Variants in BRIP1 observed in about 807,000 individuals in gnomAD.
The protein encoded by BRIP1 is Fanconi anemia group J protein.
BRIP1 carries 88 observed loss-of-function variants against 119.7 expected under a neutral mutation model. The ratio of observed to expected loss-of-function variants is 0.74; its 90% confidence interval spans 0.62 to 0.88. The LOEUF (loss-of-function observed/expected upper bound fraction) is 0.88. Ranked by LOEUF, BRIP1 falls within the 40% of genes least tolerant of loss-of-function variation. The pLI, the probability that BRIP1 is intolerant of heterozygous loss-of-function variation, is 0.00. For synonymous variants in BRIP1, 443 were observed against 496.5 expected (o/e 0.89, Z 1.43); for missense variants, 1,259 against 1,455.4 (o/e 0.87, Z 2.20).
Position 61,793,822 on chromosome 17 carries a change from G to T in BRIP1, c.1341-93C>A. On this transcript the variant is annotated intron_variant, in intron 9 of 19. Coordinates refer to ENST00000259008, the MANE Select transcript of BRIP1 (RefSeq NM_032043.3). The surrounding 1 kb of genome is among the most constrained non-coding windows in gnomAD (Gnocchi z 5.2). ...AGAATCATCATTATTGTCATGCGTT[G>T]ATCTGTATATCTTGACATTCTTAGG... 1 of 1,320,448 alleles carries T rather than the reference G, an allele frequency of 7.6e-7. No individual in the cohort carries two copies. The highest frequency in any genetic ancestry group is 2.1e-5 in the Admixed American group (1 of 47,060). 81.8% of individuals were successfully genotyped at this position (1,320,448 alleles called of 1,614,324 possible).
At chr17:61,765,385 A>G (rs1377032720) in intron 14 of BRIP1, among the ~76,000 whole-genome samples, 1 of 21,876 alleles carries the variant, frequency 4.6e-5, no homozygotes, top group African/African-American at 1.9e-4. Flanking sequence ...TATATTATAT[A>G]TATATATATA....
chr17:61,861,590 T>G lies in BRIP1; in HGVS notation c.-30-21A>C. 3 of 1,377,214 alleles carry G rather than the reference T, an allele frequency of 2.2e-6. No individual in the cohort carries two copies. The highest frequency in any genetic ancestry group is 3.1e-6 in the Non-Finnish European group (3 of 965,446). 85.3% of individuals were successfully genotyped at this position (1,377,214 alleles called of 1,614,324 possible). A position where few individuals can be genotyped will look rare whatever the true frequency, so the allele number is the denominator to read the frequency against. Reference sequence around the variant, plus strand: ...CCTAACTACAACAGAAATGAAAATGTCAAATATTGAGACACGCCTTACAAA... The same window carrying G: ...CCTAACTACAACAGAAATGAAAATGGCAAATATTGAGACACGCCTTACAAA... On this transcript the variant is annotated intron_variant, in intron 1 of 19. Transcript: ENST00000259008. This position sits in a 1 kb window ranked among gnomAD's most constrained non-coding sequence, Gnocchi z 4.5.
In BRIP1 at chr17:61,744,288, T is replaced by C; in HGVS notation, c.2257+144A>G. ...GAACAAGTACAATTAAAAGAATTTC[T>C]TTACCCAATTTATTTTCTTTTCACT... is the stretch of plus-strand genomic sequence containing the variant. On this transcript the variant is annotated intron_variant, in intron 15 of 19. Transcript: ENST00000259008. The surrounding 1 kb of genome is among the most constrained non-coding windows in gnomAD (Gnocchi z 5.0). The C allele has an allele frequency of 1.1e-6, 1 of 903,716 alleles. No homozygotes were observed. Among genetic ancestry groups the C allele is most frequent in the South Asian group, 1.8e-5 (1 of 56,360 alleles). 56.0% of individuals were successfully genotyped at this position (903,716 alleles called of 1,614,324 possible).
chr17:61,744,354 A>C lies in BRIP1; in HGVS notation c.2257+78T>G. 1 of 1,462,970 alleles carries C rather than the reference A, an allele frequency of 6.8e-7. No homozygotes were observed. The highest frequency in any genetic ancestry group is 9.4e-7 in the Non-Finnish European group (1 of 1,058,698). The allele number at this position is 1,462,970 out of a possible 1,614,324, so 90.6% of individuals were successfully genotyped here. A position where few individuals can be genotyped will look rare whatever the true frequency, so the allele number is the denominator to read the frequency against. On this transcript the variant is annotated intron_variant, in intron 15 of 19. Coordinates refer to ENST00000259008, the MANE Select transcript of BRIP1 (RefSeq NM_032043.3). The surrounding 1 kb of genome is among the most constrained non-coding windows in gnomAD (Gnocchi z 5.0). ...TCTCTTAAGTGTAATTCATCTAAAA[A>C]TATAAAATTATAATTGTACCTTCTT...
chr17:61,835,657 C>T (rs1174281524), intron 6 of BRIP1, among the ~76,000 whole-genome samples: 1 of 150,270 alleles, frequency 6.7e-6, no homozygotes. Context: ...TGTTTGAAGC[C>T]AAGTGGAATT....
rs1296505527 is a variant in BRIP1, at chr17:61,689,499, A to G, written c.2576-3334T>C. On this transcript the variant is annotated intron_variant, in intron 18 of 19. Coordinates refer to ENST00000259008, the MANE Select transcript of BRIP1 (RefSeq NM_032043.3). The surrounding 1 kb of genome is among the most constrained non-coding windows in gnomAD (Gnocchi z 4.5). ...TAGAAAGAGAAAGAGAGAAAGGAGCAGAAAGCTTATTTATAGAAATAATGA... is the reference window on the plus strand; with the variant it reads ...TAGAAAGAGAAAGAGAGAAAGGAGCGGAAAGCTTATTTATAGAAATAATGA... Among the ~76,000 whole-genome samples the G allele has an allele frequency of 6.6e-6, 1 of 152,216 alleles. No individual in the cohort carries two copies. The highest frequency in any genetic ancestry group is 2.4e-5 in the African/African-American group (1 of 41,454).
chr17:61,818,333 CT>C (rs2078269393), intron 6 of BRIP1, among the ~76,000 whole-genome samples: 1 of 152,140 alleles, frequency 6.6e-6, no homozygotes, highest in South Asian at 2.1e-4. Flanking sequence ...TCTATATCCC[CT>C]GCTGAAAGGC....
intron 11 of BRIP1, among the ~76,000 whole-genome samples, chr17:61,781,459 G>C (rs1178855322): frequency 2.0e-5 from 3 of 152,156 alleles, no homozygotes; most frequent in Non-Finnish European, 2.9e-5. Context: ...AATTTTTACT[G>C]AAAGTTTTTA....
At chr17:61,733,832 A>T (rs2076882885) in intron 16 of BRIP1, among the ~76,000 whole-genome samples, 1 of 143,402 alleles carries the variant, frequency 7.0e-6, no homozygotes, top group Non-Finnish European at 1.5e-5. Flanking sequence ...CAAATATAAA[A>T]TTTATTAGCA....
At position 61,753,088 on chromosome 17, in the gene BRIP1, G is replaced by C. The variant is rs112063529; in HGVS notation, c.2098-8497C>G. ...ATGGCTTATCATGGGAGTGGGACTA[G>C]TGGCTTTATACAAAAAGGAATAGAG... On this transcript the variant is annotated intron_variant, in intron 14 of 19. Transcript: ENST00000259008. This position sits in a 1 kb window ranked among gnomAD's most constrained non-coding sequence, Gnocchi z 4.6. 2.0e-5 allele frequency among the ~76,000 whole-genome samples: 3 copies of C among 152,178 alleles called. No homozygotes were observed. Among genetic ancestry groups the C allele is most frequent in the African/African-American group, 7.2e-5 (3 of 41,524 alleles).
Position 61,751,838 on chromosome 17 carries a change from G to A in BRIP1, c.2098-7247C>T, listed in dbSNP as rs2077135408. On this transcript the variant is annotated intron_variant, in intron 14 of 19. Coordinates refer to ENST00000259008, the MANE Select transcript of BRIP1 (RefSeq NM_032043.3). This position sits in a 1 kb window ranked among gnomAD's most constrained non-coding sequence, Gnocchi z 6.7. ...GGCTGGAGTACAGTGGTGCGATCTC[G>A]GCTCACTGAAATCTCCGCCTCCTGA... Among the ~76,000 whole-genome samples, 2 of 151,822 alleles carry A rather than the reference G, an allele frequency of 1.3e-5. No homozygotes were observed. The highest frequency in any genetic ancestry group is 2.1e-4 in the South Asian group (1 of 4,812).
chr17:61,787,877 C>G (rs1415456875), intron 10 of BRIP1, among the ~76,000 whole-genome samples: 1 of 152,152 alleles, frequency 6.6e-6, no homozygotes, highest in East Asian at 1.9e-4. Context: ...ATCTCCTGAC[C>G]TCGTGATCTG....
Position 61,720,545 on chromosome 17 carries a change from C to T in BRIP1, c.2380-4482G>A, listed in dbSNP as rs1004987724. On this transcript the variant is annotated intron_variant, in intron 16 of 19. Transcript: ENST00000259008. This position sits in a 1 kb window ranked among gnomAD's most constrained non-coding sequence, Gnocchi z 4.3. ...GTCCAAAAATATTAAATAAAAAATTCCAGAAATAATTTATGTTTTAAATTG... is the reference window on the plus strand; with the variant it reads ...GTCCAAAAATATTAAATAAAAAATTTCAGAAATAATTTATGTTTTAAATTG... 3.9e-5 allele frequency among the ~76,000 whole-genome samples: 6 copies of T among 152,126 alleles called. No individual in the cohort carries two copies. The highest frequency in any genetic ancestry group is 1.4e-4 in the African/African-American group (6 of 41,406).
intron 3 of BRIP1, among the ~76,000 whole-genome samples, 198 bp downstream of exon 3, chr17:61,859,598 A>G (rs1038823338): frequency 7.2e-5 from 11 of 152,216 alleles, no homozygotes; most frequent in Non-Finnish European, 1.5e-4. Context: ...ATTATGTTCA[A>G]TACTATTTTA....
chr17:61,770,213 G>A lies in BRIP1; in HGVS notation c.2097+6188C>T, dbSNP rs575173663. On this transcript the variant is annotated intron_variant, in intron 14 of 19. Transcript: ENST00000259008. This position sits in a 1 kb window ranked among gnomAD's most constrained non-coding sequence, Gnocchi z 4.7. The stretch of plus-strand genomic sequence containing the variant: ...GGTCACAGGCAAGGGACACAGTCAT[G>A]CTAAAAGACTGAGACATAATCATAG... Among the ~76,000 whole-genome samples, 418 of 152,314 alleles carry A rather than the reference G, an allele frequency of 2.7e-3. No homozygotes were observed. The highest frequency in any genetic ancestry group is 9.4e-3 in the African/African-American group (391 of 41,568).
rs1475958483 is a variant in BRIP1 at position 61,720,241 on chromosome 17, A to G, written c.2380-4178T>C. On this transcript the variant is annotated intron_variant, in intron 16 of 19. Coordinates refer to ENST00000259008, the MANE Select transcript of BRIP1 (RefSeq NM_032043.3). This position sits in a 1 kb window ranked among gnomAD's most constrained non-coding sequence, Gnocchi z 4.3. The stretch of plus-strand genomic sequence containing the variant: ...AGTTAACAATATTACATCATTTCAA[A>G]TAACTAGAAGGAGGAGATTACATGT... 1.3e-5 allele frequency among the ~76,000 whole-genome samples: 2 copies of G among 152,222 alleles called. No homozygotes were observed. The highest frequency in any genetic ancestry group is 2.9e-5 in the Non-Finnish European group (2 of 68,036).
rs1416676662 is a variant in BRIP1, at chr17:61,770,493, A to G, written c.2097+5908T>C. On this transcript the variant is annotated intron_variant, in intron 14 of 19. Coordinates refer to ENST00000259008, the MANE Select transcript of BRIP1 (RefSeq NM_032043.3). The surrounding 1 kb of genome is among the most constrained non-coding windows in gnomAD (Gnocchi z 4.7). ...AACATAGATACAAAAGACAATATAAAATGTATTCTGTTTTTAATTTTTTTT... is the reference window on the plus strand; with the variant it reads ...AACATAGATACAAAAGACAATATAAGATGTATTCTGTTTTTAATTTTTTTT... 6.6e-6 allele frequency among the ~76,000 whole-genome samples: 1 copy of G among 152,208 alleles called. No individual in the cohort carries two copies. The highest frequency in any genetic ancestry group is 1.9e-4 in the East Asian group (1 of 5,204).
rs939753285 is a variant in BRIP1, at chr17:61,743,259, C to G, written c.2258-125G>C. The G allele has an allele frequency of 1.4e-5, 17 of 1,217,820 alleles. No individual in the cohort carries two copies. The highest frequency in any genetic ancestry group is 1.9e-5 in the Non-Finnish European group (16 of 856,630). The allele number at this position is 1,217,820 out of a possible 1,614,324, so 75.4% of individuals were successfully genotyped here. On this transcript the variant is annotated intron_variant, in intron 15 of 19. Transcript: ENST00000259008. This position sits in a 1 kb window ranked among gnomAD's most constrained non-coding sequence, Gnocchi z 4.3. ...AATTTAAAATAATCAAAATAAAACA[C>G]TATTATGAGATAAAGTTTTAAAAGT...
Position 61,842,773 on chromosome 17 carries a change from C to T in BRIP1, c.627+4328G>A, listed in dbSNP as rs939687547. The stretch of plus-strand genomic sequence containing the variant: ...TTGGCGCTTAAACTCTAAGGTATGC[C>T]AGATACTCTCAGCACTGTATAGATA... On this transcript the variant is annotated intron_variant, in intron 6 of 19. Transcript: ENST00000259008. The surrounding 1 kb of genome is among the most constrained non-coding windows in gnomAD (Gnocchi z 5.1). 2.0e-5 allele frequency among the ~76,000 whole-genome samples: 3 copies of T among 152,158 alleles called. No homozygotes were observed. Among genetic ancestry groups the T allele is most frequent in the African/African-American group, 7.2e-5 (3 of 41,432 alleles).
Sources: gnomAD v4.1 joint callset for allele counts (sites outside exome capture counted in the v4.1 genomes callset) on GRCh38, gnomAD v4.1.1 for gene constraint, Gnocchi (gnomAD v3.1) non-coding constraint, MANE v1.5 for transcripts, NCBI Gene and HGNC (gene_info 2026-07-23, HGNC 2026-07-21) for gene names.